The following PDE1A variants were observed in gnomAD, a reference collection of about 807,000 sequenced individuals.
The protein encoded by PDE1A is phosphodiesterase 1A.
In PDE1A, 35 loss-of-function variants were observed where a neutral mutation model predicts 61.7. That is an observed-to-expected ratio of 0.57 (90% CI 0.43 to 0.75). The LOEUF is 0.75. PDE1A is among the 30% of genes least tolerant of loss of function. PDE1A has a pLI of 0.00. For missense variants in PDE1A, 597 were observed against 630.6 expected (o/e 0.95, Z 0.57); for synonymous variants, 232 against 213.2 (o/e 1.09, Z -0.77).
At chr2:182,507,933 G>C (rs1689516553) in intron 2 of PDE1A, among the ~76,000 whole-genome samples, 2 of 151,916 alleles carry the variant, frequency 1.3e-5, no homozygotes, top group Non-Finnish European at 2.9e-5. Flanking sequence ...TTTAAGTTCT[G>C]TTTGGGAAGT....
chr2:182,178,198 A>G (rs575162288), intron 13 of PDE1A, among the ~76,000 whole-genome samples: 9 of 152,254 alleles, frequency 5.9e-5, no homozygotes, highest in Non-Finnish European at 8.8e-5. Flanking sequence ...CTTCAAATTC[A>G]AAAGCCACAT....
At chr2:182,224,846 GCA>G (rs1015505612) in intron 6 of PDE1A, among the ~76,000 whole-genome samples, 1 of 151,838 alleles carries the variant, frequency 6.6e-6, no homozygotes, top group Non-Finnish European at 1.5e-5. Flanking sequence ...ATACAGAACA[GCA>G]CAGACACAAA....
intron 1 of PDE1A, among the ~76,000 whole-genome samples, chr2:182,386,653 C>T (rs1354803083): frequency 4.6e-5 from 7 of 151,410 alleles, no homozygotes; most frequent in East Asian, 2.0e-4. Context: ...GCCCGGCAGC[C>T]GCCCCATCTG....
the PDE1A span, among the ~76,000 whole-genome samples, chr2:182,597,366 T>G: frequency 6.6e-6 from 1 of 152,054 alleles, no homozygotes; most frequent in Non-Finnish European, 1.5e-5. Context: ...TATGCCTCAC[T>G]AAGGGGAAAT....
At chr2:182,195,130 T>C (rs1435671599) in intron 10 of PDE1A, among the ~76,000 whole-genome samples, 4 of 152,126 alleles carry the variant, frequency 2.6e-5, no homozygotes, top group Non-Finnish European at 5.9e-5. Flanking sequence ...GTTGGAAATG[T>C]GCTTTTAAAT....
chr2:182,188,967 C>G lies in PDE1A; in HGVS notation c.1207+12G>C. ...ACACTCACTTTCCACCACCACAAAT[C>G]ATCAGAATTACCTATTTGTGACTGG... On this transcript the variant is annotated intron_variant, in intron 11 of 13. Coordinates refer to ENST00000351439, the Ensembl canonical transcript of PDE1A. 1 of 1,580,234 alleles carries G rather than the reference C, an allele frequency of 6.3e-7. No individual in the cohort carries two copies.
At chr2:182,598,667 C>A in the PDE1A span, among the ~76,000 whole-genome samples, 7 of 152,192 alleles carry the variant, frequency 4.6e-5, no homozygotes, top group East Asian at 5.8e-4. Flanking sequence ...CTCTGCCTTT[C>A]GAGTGTGGGG....
intron 1 of PDE1A, among the ~76,000 whole-genome samples, chr2:182,359,866 T>C (rs1448885401): frequency 1.3e-5 from 2 of 152,154 alleles, no homozygotes; most frequent in Non-Finnish European, 2.9e-5. Flanking sequence ...CAGGCTTATC[T>C]TGAGATTGCC....
At chr2:182,279,333 G>A (rs533626307) in intron 1 of PDE1A, among the ~76,000 whole-genome samples, 14 of 151,998 alleles carry the variant, frequency 9.2e-5, no homozygotes, top group Non-Finnish European at 1.6e-4. Flanking sequence ...TAAAAAAATA[G>A]AGAAATCTTA....
At chr2:182,264,277 A>G in intron 2 of PDE1A, 24 bp downstream of exon 2, 1 of 1,470,420 alleles carries the variant, frequency 6.8e-7, no homozygotes, top group Non-Finnish European at 9.5e-7. Context: ...AAAGAAGATA[A>G]AAGAGAAGAA....
chr2:182,318,376 T>C (rs1696481056), intron 1 of PDE1A, among the ~76,000 whole-genome samples: 1 of 152,196 alleles, frequency 6.6e-6, no homozygotes, highest in African/African-American at 2.4e-5. Context: ...CACATCATGC[T>C]ATTCCCTGGC....
chr2:182,434,685 G>T (rs1440374218), intron 2 of PDE1A, among the ~76,000 whole-genome samples: 1 of 151,754 alleles, frequency 6.6e-6, no homozygotes, highest in Non-Finnish European at 1.5e-5. Flanking sequence ...ACAGCAAAGA[G>T]AATTGTAAAA....
the PDE1A span, among the ~76,000 whole-genome samples, chr2:182,590,858 G>A: frequency 6.6e-6 from 1 of 152,118 alleles, no homozygotes; most frequent in South Asian, 2.1e-4. Flanking sequence ...GAAATGACTT[G>A]CCTACTAGCG....
intron 2 of PDE1A, among the ~76,000 whole-genome samples, chr2:182,509,749 T>C (rs1357801250): frequency 6.6e-6 from 1 of 152,222 alleles, no homozygotes; most frequent in Non-Finnish European, 1.5e-5. Context: ...TTAAACAATT[T>C]AAGGTAACCA....
intron 1 of PDE1A, among the ~76,000 whole-genome samples, chr2:182,289,677 A>G (rs1383899): frequency 0.015 from 2,297 of 152,156 alleles, 29 homozygotes; most frequent in African/African-American, 0.03. Context: ...CAATTTCCTT[A>G]TTGGATTTCT....
chr2:182,420,830 T>C (rs1056498415), intron 1 of PDE1A, among the ~76,000 whole-genome samples: 7 of 152,320 alleles, frequency 4.6e-5, no homozygotes, highest in African/African-American at 1.7e-4. Flanking sequence ...GCACTGGAAC[T>C]TGCCCCGTAC....
chr2:182,382,302 A>C (rs1301195045), intron 1 of PDE1A, among the ~76,000 whole-genome samples: 1 of 152,214 alleles, frequency 6.6e-6, no homozygotes, highest in Non-Finnish European at 1.5e-5. Flanking sequence ...AAGCTAGAGA[A>C]CGTTTTGACA....
At chr2:182,552,439 G>GTTTTTT in the PDE1A span, among the ~76,000 whole-genome samples, 2 of 122,888 alleles carry the variant, frequency 1.6e-5, no homozygotes, top group Non-Finnish European at 3.4e-5. Flanking sequence ...GCTACACAAA[G>GTTTTTT]TTTTTTTTTT....
At chr2:182,494,924 A>AT (rs1017001467) in intron 2 of PDE1A, among the ~76,000 whole-genome samples, 4 of 151,972 alleles carry the variant, frequency 2.6e-5, no homozygotes, top group East Asian at 1.9e-4. Context: ...GAATTCTTGG[A>AT]TTTTTTTAGC....
Sources: allele counts gnomAD v4.1 joint callset (sites outside exome capture counted in the v4.1 genomes callset), GRCh38; gene constraint gnomAD v4.1.1; transcripts MANE v1.5; gene names NCBI Gene and HGNC (gene_info 2026-07-23, HGNC 2026-07-21).